Variants in ADRA1A observed in about 807,000 individuals in gnomAD.
The protein encoded by ADRA1A is adrenoceptor alpha 1A.
Under a neutral mutation model 29.6 loss-of-function variants are expected in ADRA1A, and 31 were observed. That is an observed-to-expected ratio of 1.05 (90% CI 0.79 to 1.41). The LOEUF is 1.41. Ranked by LOEUF, ADRA1A falls within the 40% of genes most tolerant of loss-of-function variation. The probability of loss-of-function intolerance (pLI) is 0.00; values close to 1 mark genes in which losing one functional copy is unlikely to be tolerated. For missense variants in ADRA1A, 619 were observed against 601.1 expected (o/e 1.03, Z -0.31); for synonymous variants, 311 against 254.3 (o/e 1.22, Z -2.12).
chr8:26,844,078 A>G (rs1812031511), intron 2 of ADRA1A, among the ~76,000 whole-genome samples: 1 of 152,222 alleles, frequency 6.6e-6, no homozygotes, highest in Non-Finnish European at 1.5e-5. Context: ...TGTTTTGGAA[A>G]TCAGGATTTT....
chr8:26,867,377 C>A (rs1024887045), upstream of ADRA1A: 4 of 985,204 alleles, frequency 4.1e-6, no homozygotes, highest in Non-Finnish European at 4.8e-6. Flanking sequence ...TTTCCTCTGG[C>A]CTAGAGGGGG....
chr8:26,811,181 G>A (rs1308480294), intron 2 of ADRA1A, among the ~76,000 whole-genome samples: 1 of 150,566 alleles, frequency 6.6e-6, no homozygotes, highest in Non-Finnish European at 1.5e-5. Context: ...TCACTGTCTA[G>A]CTTTCTTTCT....
chr8:26,815,343 G>A lies in ADRA1A; in HGVS notation c.884-44677C>T, dbSNP rs527313038. On this transcript the variant is annotated intron_variant, in intron 2 of 2. Coordinates refer to ENST00000380573, the MANE Select transcript of ADRA1A (RefSeq NM_000680.4). This position sits in a 1 kb window ranked among gnomAD's most constrained non-coding sequence, Gnocchi z 4.2. ...AAGCTTTCTTTTACATGCATGGTTA[G>A]GTTTGCAAGATAGTAAAATTTTTCC... Among the ~76,000 whole-genome samples the A allele has an allele frequency of 1.1e-4, 17 of 152,308 alleles. 1 individual carries two copies. The highest frequency in any genetic ancestry group is 3.4e-3 in the Middle Eastern group (1 of 294).
At chr8:26,757,926 G>T (rs1237409246) in intron 2 of ADRA1A, among the ~76,000 whole-genome samples, 1 of 152,086 alleles carries the variant, frequency 6.6e-6, no homozygotes. Flanking sequence ...TCTTTCATAG[G>T]ACAACTATGA....
In ADRA1A at chr8:26,775,426, A is replaced by G. The variant is rs1162487363; in HGVS notation, c.884-4760T>C. Among the ~76,000 whole-genome samples the G allele has an allele frequency of 6.6e-6, 1 of 151,776 alleles. No homozygotes were observed. ...TTTACTACCATTTTTTCCTTGCTCT[A>G]TCATCTGGCATCAGACCCTCTAGTT... On this transcript the variant is annotated intron_variant, in intron 2 of 2. Transcript: ENST00000380573. The surrounding 1 kb of genome is among the most constrained non-coding windows in gnomAD (Gnocchi z 4.1).
chr8:26,793,243 A>C (rs894043545), intron 2 of ADRA1A, among the ~76,000 whole-genome samples: 12 of 151,962 alleles, frequency 7.9e-5, no homozygotes, highest in African/African-American at 2.9e-4. Context: ...AAAATTGATA[A>C]AATTTTACTT....
chr8:26,803,919 C>CTTTTTTTTTT (rs34314160), intron 2 of ADRA1A, among the ~76,000 whole-genome samples: 2 of 95,226 alleles, frequency 2.1e-5, no homozygotes, highest in South Asian at 4.0e-4. Context: ...TGGAAGTTTC[C>CTTTTTTTTTT]TTTTTTTTTT....
chr8:26,851,336 AG>A (rs1236883206), intron 2 of ADRA1A, among the ~76,000 whole-genome samples: 1 of 152,200 alleles, frequency 6.6e-6, no homozygotes, highest in Admixed American at 6.5e-5. Context: ...AATTAAAAAC[AG>A]GAGACAAGCT....
Position 26,795,189 on chromosome 8 carries a change from C to T in ADRA1A, c.884-24523G>A, listed in dbSNP as rs918511911. Among the ~76,000 whole-genome samples the T allele has an allele frequency of 2.0e-5, 3 of 152,098 alleles. No homozygotes were observed. The East Asian group carries it at 5.8e-4, about 29-fold the overall frequency. On this transcript the variant is annotated intron_variant, in intron 2 of 2. Coordinates refer to ENST00000380573, the MANE Select transcript of ADRA1A (RefSeq NM_000680.4). Reference sequence around the variant, plus strand: ...GAAACATACAAGAACAGACTTATTGCTACTGGTCAGGTGGCCACAAGAGAC... The same window carrying T: ...GAAACATACAAGAACAGACTTATTGTTACTGGTCAGGTGGCCACAAGAGAC...
At chr8:26,813,175 A>G (rs981590090) in intron 2 of ADRA1A, among the ~76,000 whole-genome samples, 2 of 152,142 alleles carry the variant, frequency 1.3e-5, no homozygotes, top group African/African-American at 4.8e-5. Context: ...CAGTTTCAGA[A>G]AGTTGTTCAG....
chr8:26,769,718 T>A lies in ADRA1A; in HGVS notation c.*431A>T. The A allele has an allele frequency of 2.0e-6, 2 of 988,730 alleles. No individual in the cohort carries two copies. The highest frequency in any genetic ancestry group is 2.4e-6 in the Non-Finnish European group (2 of 832,302). The allele number at this position is 988,730 out of a possible 1,614,324, so 61.2% of individuals were successfully genotyped here. A position where few individuals can be genotyped will look rare whatever the true frequency, so the allele number is the denominator to read the frequency against. Reference sequence around the variant, plus strand: ...AGGCCCTCTCCCCATAAATGTCAAATGTGGCTGTCAGTAGGTTGAGCCTGA... The same window carrying A: ...AGGCCCTCTCCCCATAAATGTCAAAAGTGGCTGTCAGTAGGTTGAGCCTGA... On this transcript the variant is annotated 3_prime_UTR_variant, in exon 3 of 3. Coordinates refer to ENST00000380573, the MANE Select transcript of ADRA1A (RefSeq NM_000680.4).
chr8:26,803,058 G>A (rs991669649), intron 2 of ADRA1A, among the ~76,000 whole-genome samples: 4 of 152,146 alleles, frequency 2.6e-5, no homozygotes, highest in African/African-American at 7.2e-5. Flanking sequence ...AGAGTAGAAT[G>A]ATGGTTAGCA....
downstream of ADRA1A, among the ~76,000 whole-genome samples, chr8:26,762,068 A>C (rs1174572313): frequency 6.6e-6 from 1 of 152,154 alleles, no homozygotes; most frequent in African/African-American, 2.4e-5. The surrounding 1 kb of genome is among the most constrained non-coding windows in gnomAD (Gnocchi z 4.0). Context: ...GGGGAAAGTC[A>C]AAAAGAAAGG....
At chr8:26,836,695 A>G (rs1301331924) in intron 2 of ADRA1A, among the ~76,000 whole-genome samples, 4 of 152,260 alleles carry the variant, frequency 2.6e-5, no homozygotes, top group Admixed American at 2.6e-4. Flanking sequence ...ACTGCAGGTA[A>G]CACATATAAG....
In ADRA1A at chr8:26,860,113, C is replaced by G. The variant is rs572050850; in HGVS notation, c.883+3974G>C. On this transcript the variant is annotated intron_variant, in intron 2 of 2. Coordinates refer to ENST00000380573, the MANE Select transcript of ADRA1A (RefSeq NM_000680.4). The surrounding 1 kb of genome is among the most constrained non-coding windows in gnomAD (Gnocchi z 4.7). ...GCCCAGTGATTCCGAGGGCTCCTGT[C>G]TACCACCACTTCTCTCCACCACAAC... Among the ~76,000 whole-genome samples the G allele has an allele frequency of 6.6e-6, 1 of 152,242 alleles. No individual in the cohort carries two copies. The highest frequency in any genetic ancestry group is 2.1e-4 in the South Asian group (1 of 4,824).
intron 2 of ADRA1A, among the ~76,000 whole-genome samples, chr8:26,778,218 C>T (rs1314448094): frequency 6.6e-6 from 1 of 152,152 alleles, no homozygotes; most frequent in Non-Finnish European, 1.5e-5. Context: ...CCCCAACGCC[C>T]ATAAGAACGC....
chr8:26,835,568 A>T (rs1475055167), intron 2 of ADRA1A, among the ~76,000 whole-genome samples: 2 of 152,114 alleles, frequency 1.3e-5, no homozygotes, highest in Non-Finnish European at 2.9e-5. Context: ...AAACCATCAG[A>T]TCTTGTGAGA....
chr8:26,830,759 A>G lies in ADRA1A; in HGVS notation c.883+33328T>C, dbSNP rs530457032. Among the ~76,000 whole-genome samples the G allele has an allele frequency of 2.0e-5, 3 of 152,324 alleles. No homozygotes were observed. In the South Asian group the frequency reaches 6.2e-4, roughly 32 times the overall value. ...TGATCCTAGGGGAAAGCATGATTCAAGTTCTACCAGAGTGTCAACTACTCC... is the reference window on the plus strand; with the variant it reads ...TGATCCTAGGGGAAAGCATGATTCAGGTTCTACCAGAGTGTCAACTACTCC... On this transcript the variant is annotated intron_variant, in intron 2 of 2. Transcript: ENST00000380573.
rs1034509011 is a variant in ADRA1A, at chr8:26,867,146, TAA to T, written c.-899_-898del. On this transcript the variant is annotated 5_prime_UTR_variant, in exon 1 of 3. Transcript: ENST00000380573. Reference sequence around the variant, plus strand: ...CCGCTGTCACTTTACCTGCATTTTTTAAAAAGAGTCAAAATAAGAAAAGAAAA... The same window carrying T: ...CCGCTGTCACTTTACCTGCATTTTTTAAAGAGTCAAAATAAGAAAAGAAAA... 3.8e-5 allele frequency: 37 copies of T among 985,180 alleles called. No homozygotes were observed. The highest frequency in any genetic ancestry group is 1.1e-4 in the East Asian group (1 of 8,818). The allele number at this position is 985,180 out of a possible 1,614,324, so 61.0% of individuals were successfully genotyped here.
Sources: allele counts gnomAD v4.1 joint callset (sites outside exome capture counted in the v4.1 genomes callset), GRCh38; gene constraint gnomAD v4.1.1; non-coding constraint Gnocchi (gnomAD v3.1); transcripts MANE v1.5; gene names NCBI Gene and HGNC (gene_info 2026-07-23, HGNC 2026-07-21).